The following ERC1 variants were observed in gnomAD, a reference collection of about 807,000 sequenced individuals.
ERC1 encodes the protein ELKS/RAB6-interacting/CAST family member 1, also known as RAB6 interacting protein 2.
In ERC1, 56 loss-of-function variants were observed where a neutral mutation model predicts 132.0. The ratio of observed to expected loss-of-function variants is 0.42; its 90% CI spans 0.34 to 0.53. The LOEUF is 0.53. Among genes scored for constraint, ERC1 ranks in the 20% least tolerant of loss-of-function variants. The pLI is 0.03. For synonymous variants in ERC1, 478 were observed against 476.1 expected (o/e 1.00, Z -0.05); for missense variants, 1,202 against 1,349.9 (o/e 0.89, Z 1.72).
At chr12:1,044,785 C>T (rs1970818834) in intron 2 of ERC1, among the ~76,000 whole-genome samples, 1 of 152,094 alleles carries the variant, frequency 6.6e-6, no homozygotes, top group Non-Finnish European at 1.5e-5. Flanking sequence ...GATAACTAAT[C>T]ACTACCAGCC....
chr12:1,441,642 C>T (rs530086917), intron 17 of ERC1, among the ~76,000 whole-genome samples: 80 of 152,140 alleles, frequency 5.3e-4, no homozygotes, highest in African/African-American at 1.3e-3. Flanking sequence ...CAAACATGCG[C>T]GTGTGCACCA....
At chr12:1,057,595 T>G (rs1273431083) in intron 2 of ERC1, among the ~76,000 whole-genome samples, 1 of 144,132 alleles carries the variant, frequency 6.9e-6, no homozygotes, top group Non-Finnish European at 1.5e-5. Context: ...GTTTTTTTTT[T>G]TTTTTTTTTT....
chr12:1,364,476 C>G (rs1054719630), intron 15 of ERC1, among the ~76,000 whole-genome samples: 4 of 152,146 alleles, frequency 2.6e-5, no homozygotes, highest in Non-Finnish European at 5.9e-5. Flanking sequence ...TTCCTTAGGC[C>G]ACCATTCCAG....
intron 15 of ERC1, among the ~76,000 whole-genome samples, chr12:1,349,284 G>A (rs1365443764): frequency 6.6e-6 from 1 of 152,270 alleles, no homozygotes; most frequent in Middle Eastern, 3.4e-3. Context: ...TTGGCTTCAA[G>A]GCTTCAGTAA....
intron 17 of ERC1, chr12:1,443,908 T>C (rs749782478): frequency 1.3e-5 from 2 of 152,202 alleles, no homozygotes; most frequent in African/African-American, 2.4e-5. Context: ...AATTTCAGAG[T>C]CCTTGGCTGT....
At chr12:1,291,231 A>G (rs1189999789) in intron 15 of ERC1, among the ~76,000 whole-genome samples, 1 of 152,208 alleles carries the variant, frequency 6.6e-6, no homozygotes, top group African/African-American at 2.4e-5. Flanking sequence ...CTGTCCTTTT[A>G]GAAAAGCATT....
intron 13 of ERC1, among the ~76,000 whole-genome samples, chr12:1,243,221 A>T (rs1313299085): frequency 6.6e-6 from 1 of 150,940 alleles, no homozygotes; most frequent in Non-Finnish European, 1.5e-5. Context: ...AAAAAAAAAG[A>T]AATCGAGAGA....
At position 1,250,167 on chromosome 12, in the gene ERC1, T is replaced by C. The variant is rs905694984; in HGVS notation, c.2488-12867T>C. Among the ~76,000 whole-genome samples, 3 of 152,190 alleles carry C rather than the reference T, an allele frequency of 2.0e-5. No homozygotes were observed. In the East Asian group the frequency reaches 5.8e-4, roughly 29 times the overall value. ...TTCTCTGTTTTACACAAGCTGACAG[T>C]GTTGGTTTCTTTGAATATAACACGT... On this transcript the variant is annotated intron_variant, in intron 13 of 18. Coordinates refer to ENST00000360905, the MANE Select transcript of ERC1 (RefSeq NM_178040.4).
intron 18 of ERC1, among the ~76,000 whole-genome samples, chr12:1,465,770 C>T (rs541905954): frequency 2.6e-5 from 4 of 152,232 alleles, no homozygotes; most frequent in Non-Finnish European, 5.9e-5. Context: ...TCCCAAAAGT[C>T]CCAGCCCTCC....
chr12:1,399,858 G>A (rs12316687), intron 16 of ERC1, among the ~76,000 whole-genome samples: 46,520 of 152,030 alleles, frequency 0.31, 7,316 homozygotes, highest in Middle Eastern at 0.36. Flanking sequence ...ATTTGTGGGT[G>A]CTTTTTTGCA....
intron 15 of ERC1, among the ~76,000 whole-genome samples, chr12:1,306,804 A>T (rs2080917578): frequency 6.6e-6 from 1 of 152,074 alleles, no homozygotes; most frequent in African/African-American, 2.4e-5. Context: ...TGTTTCAGTG[A>T]GTTAATTACT....
intron 16 of ERC1, among the ~76,000 whole-genome samples, chr12:1,395,869 T>G (rs1383192654): frequency 6.6e-6 from 1 of 152,100 alleles, no homozygotes; most frequent in Non-Finnish European, 1.5e-5. Context: ...CTTGTGAGCT[T>G]AATTCCATAA....
intron 15 of ERC1, among the ~76,000 whole-genome samples, chr12:1,331,177 C>T (rs1250207824): frequency 6.6e-6 from 1 of 152,212 alleles, no homozygotes; most frequent in Non-Finnish European, 1.5e-5. Flanking sequence ...AGTAACACCT[C>T]CCTTGAGTAA....
chr12:1,095,825 G>A (rs1339805534), intron 3 of ERC1, among the ~76,000 whole-genome samples: 1 of 152,134 alleles, frequency 6.6e-6, no homozygotes, highest in South Asian at 2.1e-4. Flanking sequence ...GCTTCTGAAT[G>A]GGAGTTTGTT....
At chr12:1,394,387 A>G (rs183926664) in intron 16 of ERC1, among the ~76,000 whole-genome samples, 30 of 152,300 alleles carry the variant, frequency 2.0e-4, no homozygotes, top group East Asian at 1.2e-3. Context: ...GTGACAGAGC[A>G]AGACTCCTCT....
chr12:1,223,504 A>G (rs1339065525), intron 12 of ERC1, among the ~76,000 whole-genome samples: 2 of 152,242 alleles, frequency 1.3e-5, no homozygotes, highest in African/African-American at 2.4e-5. Context: ...ACCAAACACT[A>G]AGGTGATATT....
chr12:1,155,196 C>T (rs1368390088), intron 8 of ERC1, among the ~76,000 whole-genome samples: 1 of 150,926 alleles, frequency 6.6e-6, no homozygotes, highest in Non-Finnish European at 1.5e-5. Context: ...CATATTGGTA[C>T]GTGCCTGTAG....
At chr12:1,402,614 A>AACACACACACACACACACACACACACAC (rs56777839) in intron 16 of ERC1, among the ~76,000 whole-genome samples, 5 of 144,992 alleles carry the variant, frequency 3.4e-5, no homozygotes, top group African/African-American at 1.3e-4. Flanking sequence ...TGTAACCCCC[A>AACACACACACACACACACACACACACAC]ACACACACAC....
intron 8 of ERC1, among the ~76,000 whole-genome samples, chr12:1,150,124 C>G (rs372038208): frequency 6.9e-4 from 105 of 152,298 alleles, no homozygotes; most frequent in African/African-American, 2.3e-3. Flanking sequence ...TGTGTGTTGT[C>G]TTTAAACAGA....
Sources: allele counts gnomAD v4.1 joint callset (sites outside exome capture counted in the v4.1 genomes callset), GRCh38; gene constraint gnomAD v4.1.1; transcripts MANE v1.5; gene names NCBI Gene and HGNC (gene_info 2026-07-23, HGNC 2026-07-21).